NRCAM: variants seen among roughly 807,000 people sequenced by gnomAD.
The protein encoded by NRCAM is NgCAM-related cell adhesion molecule.
In NRCAM, 83 loss-of-function variants were observed where a neutral mutation model predicts 156.5. That is an observed-to-expected ratio of 0.53 (90% CI 0.44 to 0.64). The LOEUF (loss-of-function observed/expected upper bound fraction) is 0.64, where lower values mean the gene tolerates loss of function less well. Among genes scored for constraint, NRCAM ranks in the 30% least tolerant of loss-of-function variants. NRCAM has a pLI of 0.00. For missense variants in NRCAM, 1,417 were observed against 1,597.3 expected (o/e 0.89, Z 1.92); for synonymous variants, 538 against 563.9 (o/e 0.95, Z 0.65).
intron 8 of NRCAM, 119 bp downstream of exon 8, chr7:108,230,912 C>A: frequency 1.5e-6 from 1 of 686,402 alleles, no homozygotes; most frequent in Admixed American, 3.3e-5. Context: ...TTTTGAAGAG[C>A]AGCTGTTTTC....
Position 108,191,766 on chromosome 7 carries a change from C to T in NRCAM, c.1866G>A (p.Leu622=). Residue 622 remains leucine (L), a synonymous_variant, in exon 18 of 33, where the codon CTG becomes CTA. Coordinates refer to ENST00000379028, the MANE Select transcript of NRCAM (RefSeq NM_001037132.4). ...GTYTCVANTT[L]DSVSASAVLS... is the part of the protein sequence containing the mutation. ...GCACAGCGCTGGCGGAGACGCTGTC[C>T]AGAGTGGTGTTGGCCACACACGTGT... is the stretch of plus-strand genomic sequence containing the variant. 6.2e-7 allele frequency: 1 copy of T among 1,614,008 alleles called. No individual in the cohort carries two copies. Among genetic ancestry groups the T allele is most frequent in the Non-Finnish European group, 8.5e-7 (1 of 1,179,974 alleles).
intron 1 of NRCAM, among the ~76,000 whole-genome samples, chr7:108,445,577 A>G (rs1050512609): frequency 1.3e-5 from 2 of 152,216 alleles, no homozygotes; most frequent in African/African-American, 4.8e-5. Flanking sequence ...TTTCATCATC[A>G]TTTGTTACAG....
rs112687360 is a variant in NRCAM at position 108,164,553 on chromosome 7, GA to G, written c.3466+2367del. 5.0e-4 allele frequency among the ~76,000 whole-genome samples: 39 copies of G among 77,492 alleles called. 1 individual carries two copies. Among genetic ancestry groups the G allele is most frequent in the East Asian group, 8.4e-4 (2 of 2,376 alleles). 50.8% of individuals were successfully genotyped at this position (77,492 alleles called of 152,430 possible). A position where few individuals can be genotyped will look rare whatever the true frequency, so the allele number is the denominator to read the frequency against. On this transcript the variant is annotated intron_variant, in intron 30 of 32. Coordinates refer to ENST00000379028, the MANE Select transcript of NRCAM (RefSeq NM_001037132.4). Reference sequence around the variant, plus strand: ...CATCCTTACACCGCGGAACCGAGAGGAGAGGAGAGGAGAGGAGAGGAGGAGC... The same window carrying G: ...CATCCTTACACCGCGGAACCGAGAGGGAGGAGAGGAGAGGAGAGGAGGAGC...
At chr7:108,292,379 T>A (rs191313112) in intron 3 of NRCAM, among the ~76,000 whole-genome samples, 66 of 152,346 alleles carry the variant, frequency 4.3e-4, no homozygotes, top group African/African-American at 1.5e-3. Context: ...ATATTTTAAT[T>A]TCCAGTGTTA....
At chr7:108,426,543 C>T (rs138672297) in intron 1 of NRCAM, among the ~76,000 whole-genome samples, 2 of 152,284 alleles carry the variant, frequency 1.3e-5, no homozygotes, top group African/African-American at 4.8e-5. Flanking sequence ...CTGAAGCCCA[C>T]CCCCCTTATA....
At chr7:108,250,911 A>T (rs2096304164) in intron 3 of NRCAM, among the ~76,000 whole-genome samples, 1 of 152,156 alleles carries the variant, frequency 6.6e-6, no homozygotes, top group Non-Finnish European at 1.5e-5. Context: ...AATTAAAATT[A>T]AAAAAATTTT....
At chr7:108,239,872 C>A in intron 4 of NRCAM, 87 bp downstream of exon 4, 1 of 790,656 alleles carries the variant, frequency 1.3e-6, no homozygotes, top group Admixed American at 2.4e-5. Context: ...ACACAGACAC[C>A]TTCTCCATTC....
In NRCAM at chr7:108,156,435, G is replaced by A. The variant is rs2045536545; in HGVS notation, c.3677+3028C>T. On this transcript the variant is annotated intron_variant, in intron 32 of 32. Coordinates refer to ENST00000379028, the MANE Select transcript of NRCAM (RefSeq NM_001037132.4). Reference sequence around the variant, plus strand: ...GATTTTTCTATATGCTAGTAAGGATGCAGATCCTACTGTCTGTATAATTAA... The same window carrying A: ...GATTTTTCTATATGCTAGTAAGGATACAGATCCTACTGTCTGTATAATTAA... 4.1e-6 allele frequency: 4 copies of A among 983,376 alleles called. No homozygotes were observed. The South Asian group carries it at 1.4e-4, about 35-fold the overall frequency. The allele number at this position is 983,376 out of a possible 1,614,324, so 60.9% of individuals were successfully genotyped here. A position where few individuals can be genotyped will look rare whatever the true frequency, so the allele number is the denominator to read the frequency against.
intron 3 of NRCAM, among the ~76,000 whole-genome samples, chr7:108,281,465 C>A (rs1199802424): frequency 6.6e-6 from 1 of 152,110 alleles, no homozygotes; most frequent in Admixed American, 6.5e-5. Flanking sequence ...GCATGACGTG[C>A]TATGAGAGTT....
intron 3 of NRCAM, among the ~76,000 whole-genome samples, chr7:108,250,728 T>A (rs1590015050): frequency 6.6e-6 from 1 of 152,136 alleles, no homozygotes; most frequent in Non-Finnish European, 1.5e-5. Context: ...ATAATTTAAC[T>A]GTACATCTTA....
chr7:108,334,515 C>A (rs2099159172), intron 2 of NRCAM, among the ~76,000 whole-genome samples: 1 of 152,192 alleles, frequency 6.6e-6, no homozygotes, highest in African/African-American at 2.4e-5. Context: ...CCCATTCCAC[C>A]TGTTTTCTCT....
chr7:108,161,993 A>G (rs960793199), intron 30 of NRCAM, among the ~76,000 whole-genome samples: 5 of 152,230 alleles, frequency 3.3e-5, no homozygotes. Flanking sequence ...GATGAAGATG[A>G]GGACAATGGT....
intron 25 of NRCAM, 46 bp downstream of exon 25, chr7:108,180,177 C>T: frequency 6.5e-7 from 1 of 1,548,010 alleles, no homozygotes; most frequent in Non-Finnish European, 8.9e-7. Context: ...ACCTCTCAGG[C>T]CATGCCATAT....
chr7:108,169,125 T>A (rs1431046621), intron 28 of NRCAM, among the ~76,000 whole-genome samples: 2 of 152,208 alleles, frequency 1.3e-5, no homozygotes, highest in Admixed American at 1.3e-4. Context: ...ATCTTACCTG[T>A]TAACTGTTTG....
intron 8 of NRCAM, among the ~76,000 whole-genome samples, 173 bp from the exon 9 acceptor site, chr7:108,226,551 G>A (rs890123414): frequency 2.7e-5 from 4 of 147,990 alleles, no homozygotes; most frequent in South Asian, 2.1e-4. Context: ...AAAAAAATAC[G>A]TAACACACTA....
At chr7:108,383,355 A>G (rs1242825307) in intron 2 of NRCAM, among the ~76,000 whole-genome samples, 1 of 152,266 alleles carries the variant, frequency 6.6e-6, no homozygotes, top group Non-Finnish European at 1.5e-5. Flanking sequence ...AGGACTGCTA[A>G]CCAGAAATAA....
intron 1 of NRCAM, among the ~76,000 whole-genome samples, chr7:108,422,769 AAT>A (rs1251842393): frequency 1.3e-5 from 2 of 152,260 alleles, no homozygotes; most frequent in Admixed American, 6.5e-5. Flanking sequence ...TTCCTTTCTA[AAT>A]ATATAAAAGA....
At chr7:108,235,790 A>T (rs960734837) in intron 5 of NRCAM, among the ~76,000 whole-genome samples, 2 of 152,174 alleles carry the variant, frequency 1.3e-5, no homozygotes. Context: ...CTAACAACGT[A>T]CAGGACAATT....
At chr7:108,235,748 C>T (rs1186489501) in intron 5 of NRCAM, among the ~76,000 whole-genome samples, 2 of 152,058 alleles carry the variant, frequency 1.3e-5, no homozygotes, top group Non-Finnish European at 1.5e-5. Flanking sequence ...AGTGGTATCT[C>T]GTAGATAGAG....
Sources: gnomAD v4.1 joint callset for allele counts (sites outside exome capture counted in the v4.1 genomes callset) on GRCh38, gnomAD v4.1.1 for gene constraint, MANE v1.5 for transcripts, NCBI Gene and HGNC (gene_info 2026-07-23, HGNC 2026-07-21) for gene names.